Variants in RAD51B observed in about 807,000 individuals in gnomAD.
RAD51B encodes DNA repair protein RAD51 homolog 2.
A neutral mutation model predicts 42.2 loss-of-function variants in RAD51B; 38 were observed. That is an observed-to-expected ratio of 0.90 (90% CI 0.70 to 1.18). The LOEUF is 1.18. Ranked by LOEUF, RAD51B falls within the 50% of genes most tolerant of loss-of-function variation. The pLI is 0.00. For missense variants in RAD51B, 373 were observed against 400.7 expected, an observed-to-expected ratio of 0.93 and a Z score of 0.59; for synonymous variants, 154 against 145.2, an observed-to-expected ratio of 1.06 and a Z score of -0.43.
intron 4 of RAD51B, among the ~76,000 whole-genome samples, chr14:67,847,326 C>CTTTT (rs60032578): frequency 1.7e-4 from 18 of 105,634 alleles, no homozygotes; most frequent in East Asian, 3.3e-4. Context: ...TTGGTTTGTT[C>CTTTT]TTTTTTTTTT....
chr14:68,680,491 A>G (rs1313635914), intron 11 of RAD51B, among the ~76,000 whole-genome samples: 1 of 152,204 alleles, frequency 6.6e-6, no homozygotes, highest in Non-Finnish European at 1.5e-5. Flanking sequence ...TTTAATTTTT[A>G]ACAATGGCTG....
At chr14:68,579,622 T>C (rs1890122258) in intron 10 of RAD51B, among the ~76,000 whole-genome samples, 1 of 152,194 alleles carries the variant, frequency 6.6e-6, no homozygotes, top group Non-Finnish European at 1.5e-5. Context: ...GAAATCCAGA[T>C]TGTGTTGGGT....
chr14:68,096,587 T>C (rs528020224), intron 7 of RAD51B, among the ~76,000 whole-genome samples: 2 of 152,348 alleles, frequency 1.3e-5, no homozygotes, highest in South Asian at 2.1e-4. Flanking sequence ...TGAGCTTTCA[T>C]TGAGGAGCCC....
chr14:68,477,311 C>T (rs1882719714), intron 10 of RAD51B, among the ~76,000 whole-genome samples: 2 of 152,328 alleles, frequency 1.3e-5, no homozygotes, highest in East Asian at 1.9e-4. Flanking sequence ...TTCCTGGCTA[C>T]AGATGGCAGC....
intron 8 of RAD51B, among the ~76,000 whole-genome samples, chr14:68,378,709 A>G (rs753608245): frequency 2.6e-5 from 4 of 151,456 alleles, no homozygotes; most frequent in South Asian, 2.1e-4. Flanking sequence ...AATATTTTCA[A>G]TCCACATTGG....
chr14:68,163,608 G>A (rs1309368411), intron 7 of RAD51B, among the ~76,000 whole-genome samples: 2 of 151,892 alleles, frequency 1.3e-5, no homozygotes, highest in African/African-American at 4.8e-5. Context: ...TTTCCTCCTT[G>A]GCTATAACGC....
intron 7 of RAD51B, among the ~76,000 whole-genome samples, chr14:68,172,413 A>AT (rs2078891115): frequency 6.6e-6 from 1 of 152,162 alleles, no homozygotes; most frequent in African/African-American, 2.4e-5. Context: ...CATAATTTCT[A>AT]TTTTCTAATT....
intron 7 of RAD51B, among the ~76,000 whole-genome samples, chr14:67,994,349 A>G (rs1322968474): frequency 6.6e-6 from 1 of 152,162 alleles, no homozygotes; most frequent in Non-Finnish European, 1.5e-5. Flanking sequence ...TTGTAATATT[A>G]AGCCAACAAA....
At chr14:68,504,814 G>A (rs1885192400) in intron 10 of RAD51B, among the ~76,000 whole-genome samples, 1 of 150,062 alleles carries the variant, frequency 6.7e-6, no homozygotes, top group African/African-American at 2.5e-5. Flanking sequence ...ACTAGACACT[G>A]GAGCCCAATC....
At chr14:68,291,816 T>C in intron 7 of RAD51B, 68 bp from the exon 8 acceptor site, 1 of 1,223,518 alleles carries the variant, frequency 8.2e-7, no homozygotes, top group African/African-American at 1.5e-5. Flanking sequence ...ATAGCTCTAA[T>C]AATTAATTTG....
At chr14:68,545,508 C>A in intron 10 of RAD51B, 1 of 455,138 alleles carries the variant, frequency 2.2e-6, no homozygotes, top group Non-Finnish European at 4.4e-6. Context: ...GTCTTTAATG[C>A]CTTAACTGTC....
intron 10 of RAD51B, chr14:68,497,073 C>T: frequency 7.5e-7 from 1 of 1,337,778 alleles, no homozygotes; most frequent in Non-Finnish European, 1.0e-6. Context: ...TGCAAGCCTT[C>T]AACATCTTTT....
intron 7 of RAD51B, among the ~76,000 whole-genome samples, chr14:68,235,726 AAAAAAAGAG>A (rs1382803097): frequency 6.7e-6 from 1 of 148,892 alleles, no homozygotes; most frequent in African/African-American, 2.5e-5. Context: ...AAAAAAAAAA[AAAAAAAGAG>A]CTGAGATCTT....
chr14:67,971,117 T>A (rs904540042), intron 7 of RAD51B, among the ~76,000 whole-genome samples: 2 of 152,168 alleles, frequency 1.3e-5, no homozygotes, highest in Admixed American at 1.3e-4. Context: ...AATGAACTGT[T>A]CATGTTTATG....
At chr14:68,579,477 A>T (rs1890115648) in intron 10 of RAD51B, among the ~76,000 whole-genome samples, 1 of 152,252 alleles carries the variant, frequency 6.6e-6, no homozygotes, top group South Asian at 2.1e-4. Context: ...AGAGTGCCAG[A>T]TGTTGCAAAT....
intron 7 of RAD51B, among the ~76,000 whole-genome samples, chr14:68,278,859 C>T (rs1034370446): frequency 6.6e-6 from 1 of 152,180 alleles, no homozygotes; most frequent in Admixed American, 6.5e-5. Flanking sequence ...CTTTGCGTTC[C>T]TGTGCTTGCT....
chr14:67,976,227 G>A (rs968935982), intron 7 of RAD51B, among the ~76,000 whole-genome samples: 9 of 151,268 alleles, frequency 5.9e-5, no homozygotes, highest in Admixed American at 3.3e-4. Flanking sequence ...AGCAATCTTC[G>A]TGCCTCAGCC....
chr14:67,910,959 G>A (rs184471292), intron 7 of RAD51B, among the ~76,000 whole-genome samples: 162 of 152,074 alleles, frequency 1.1e-3, no homozygotes, highest in African/African-American at 3.8e-3. Flanking sequence ...CCACAGGCAT[G>A]CTCCACCACA....
chr14:67,901,117 A>G (rs1481199077), intron 7 of RAD51B, among the ~76,000 whole-genome samples: 3 of 152,330 alleles, frequency 2.0e-5, no homozygotes, highest in African/African-American at 7.2e-5. Context: ...GGCAAGAGCA[A>G]GGAAGCCTTC....
Sources: allele counts gnomAD v4.1 joint callset (sites outside exome capture counted in the v4.1 genomes callset), GRCh38; gene constraint gnomAD v4.1.1; transcripts MANE v1.5; gene names NCBI Gene and HGNC (gene_info 2026-07-23, HGNC 2026-07-21).